The following PRKG1 variants were observed in gnomAD, a reference collection of about 807,000 sequenced individuals.
PRKG1 encodes the protein cGMP-dependent protein kinase 1.
A neutral mutation model predicts 88.1 loss-of-function variants in PRKG1; 35 were observed. The observed-to-expected ratio is 0.40, with a 90% confidence interval of 0.30 to 0.53. PRKG1 has a LOEUF of 0.53. PRKG1 is among the 20% of genes least tolerant of loss of function. The pLI, the probability that PRKG1 is intolerant of heterozygous loss-of-function variation, is 0.59. For synonymous variants in PRKG1, 303 were observed against 292.5 expected (o/e 1.04, Z -0.37); for missense variants, 540 against 839.8 (o/e 0.64, Z 4.41).
intron 2 of PRKG1, among the ~76,000 whole-genome samples, chr10:51,237,262 A>T (rs1177371343): frequency 6.6e-6 from 1 of 152,176 alleles, no homozygotes; most frequent in African/African-American, 2.4e-5. Context: ...TGATCTCCAC[A>T]TTCATATTTT....
chr10:51,289,186 C>T (rs983135358), intron 2 of PRKG1, among the ~76,000 whole-genome samples: 1 of 152,144 alleles, frequency 6.6e-6, no homozygotes, highest in Non-Finnish European at 1.5e-5. Context: ...GTCCAGGCAG[C>T]CAACTTTGCC....
chr10:52,001,359 C>T (rs1025211988), intron 5 of PRKG1, among the ~76,000 whole-genome samples: 4 of 120,316 alleles, frequency 3.3e-5, no homozygotes, highest in African/African-American at 1.4e-4. Context: ...CAAGTGTTCT[C>T]ACCATAAAAA....
intron 5 of PRKG1, among the ~76,000 whole-genome samples, chr10:51,920,219 T>C (rs1842434016): frequency 6.6e-6 from 1 of 152,130 alleles, no homozygotes; most frequent in African/African-American, 2.4e-5. Context: ...ATAAGACTCA[T>C]TTTTCTTCTA....
intron 1 of PRKG1, among the ~76,000 whole-genome samples, chr10:51,152,512 A>G (rs181537120): frequency 6.6e-6 from 1 of 152,160 alleles, no homozygotes; most frequent in East Asian, 1.9e-4. Flanking sequence ...CATTTACTGA[A>G]GGTAACATTA....
At chr10:51,177,116 G>T (rs1260514850) in intron 2 of PRKG1, among the ~76,000 whole-genome samples, 1 of 152,166 alleles carries the variant, frequency 6.6e-6, no homozygotes, top group Non-Finnish European at 1.5e-5. Flanking sequence ...AACTGAGGAT[G>T]CCAGATGGCT....
chr10:51,554,854 C>T (rs1449749471), intron 3 of PRKG1, among the ~76,000 whole-genome samples: 1 of 151,586 alleles, frequency 6.6e-6, no homozygotes, highest in Admixed American at 6.6e-5. Context: ...CACTGTAAAG[C>T]CTCAAAAAAA....
At chr10:51,490,680 T>C (rs1330224796) in intron 3 of PRKG1, among the ~76,000 whole-genome samples, 1 of 152,080 alleles carries the variant, frequency 6.6e-6, no homozygotes, top group African/African-American at 2.4e-5. Context: ...CCGTTTTTCA[T>C]AGATCGTTCT....
At chr10:51,691,384 T>C (rs1841140069) in intron 3 of PRKG1, among the ~76,000 whole-genome samples, 1 of 151,058 alleles carries the variant, frequency 6.6e-6, no homozygotes, top group Admixed American at 6.6e-5. Context: ...CCCGGCTCAC[T>C]GCAGCCTCCA....
intron 5 of PRKG1, among the ~76,000 whole-genome samples, chr10:51,939,314 C>T (rs1842856883): frequency 6.6e-6 from 1 of 151,920 alleles, no homozygotes; most frequent in Non-Finnish European, 1.5e-5. Context: ...CACATACGGC[C>T]AAATTGAGAA....
Position 51,583,747 on chromosome 10 carries a change from G to A in PRKG1, c.592+115911G>A, listed in dbSNP as rs191654641. On this transcript the variant is annotated intron_variant, in intron 3 of 17. Transcript: ENST00000373980. The stretch of plus-strand genomic sequence containing the variant: ...CAGAAAATCCTTTTAATGTGAGTAG[G>A]ATGAATTATACCTCAGATGCCCTTA... 9.9e-5 allele frequency among the ~76,000 whole-genome samples: 15 copies of A among 152,162 alleles called. No homozygotes were observed. The East Asian group carries it at 1.4e-3, about 14-fold the overall frequency.
In PRKG1 at chr10:51,213,591, G is replaced by T. The variant is rs145697468; in HGVS notation, c.478+60261G>T. On this transcript the variant is annotated intron_variant, in intron 2 of 17. Transcript: ENST00000373980. ...CTCATTGCCTGGGCAGATGTTAGAA[G>T]AATTTGCATTATATTCAATAGCCAT... Among the ~76,000 whole-genome samples, 667 of 152,328 alleles carry T rather than the reference G, an allele frequency of 4.4e-3. 2 individuals are homozygous for T. The highest frequency in any genetic ancestry group is 7.6e-3 in the Non-Finnish European group (520 of 68,028).
At chr10:51,732,303 C>T (rs1436310915) in intron 3 of PRKG1, among the ~76,000 whole-genome samples, 1 of 152,168 alleles carries the variant, frequency 6.6e-6, no homozygotes, top group African/African-American at 2.4e-5. Context: ...ATTCAATGAC[C>T]TCTTCACAGG....
At chr10:52,211,684 A>C (rs1839975498) in intron 9 of PRKG1, among the ~76,000 whole-genome samples, 1 of 148,732 alleles carries the variant, frequency 6.7e-6, no homozygotes, top group Non-Finnish European at 1.5e-5. Context: ...AAAAATACAC[A>C]AATACCTATC....
At chr10:52,029,807 A>G (rs764100332) in intron 5 of PRKG1, among the ~76,000 whole-genome samples, 3 of 152,182 alleles carry the variant, frequency 2.0e-5, no homozygotes, top group Non-Finnish European at 4.4e-5. Flanking sequence ...CCCATTCTAT[A>G]GATGATTAGA....
rs144206790 is a variant in PRKG1, at chr10:51,916,076, C to T, written c.762+8506C>T. ...CTCAAAATGTTAAACATGGGGTTAC[C>T]GCGTTGTCAGAGGTGTGTGAGCCAG... On this transcript the variant is annotated intron_variant, in intron 5 of 17. Transcript: ENST00000373980. Among the ~76,000 whole-genome samples, 745 of 152,076 alleles carry T rather than the reference C, an allele frequency of 4.9e-3. 6 individuals are homozygous for T. Among genetic ancestry groups the T allele is most frequent in the Middle Eastern group, 0.034 (10 of 294 alleles).
chr10:51,014,530 ATT>A (rs892144714), intron 1 of PRKG1, among the ~76,000 whole-genome samples: 1 of 148,710 alleles, frequency 6.7e-6, no homozygotes, highest in African/African-American at 2.5e-5. Context: ...TCTTGAAAAC[ATT>A]TTTTTTTTCA....
chr10:51,878,585 G>A (rs192561443), intron 4 of PRKG1, among the ~76,000 whole-genome samples: 11 of 152,244 alleles, frequency 7.2e-5, no homozygotes, highest in Admixed American at 1.3e-4. Context: ...ATAGGTCTAT[G>A]TAATCATCTT....
At chr10:51,480,315 CA>C (rs954084993) in intron 3 of PRKG1, among the ~76,000 whole-genome samples, 24 of 152,114 alleles carry the variant, frequency 1.6e-4, no homozygotes, top group Non-Finnish European at 5.9e-5. Flanking sequence ...ATCTCTTTGC[CA>C]AAGGTGTTCT....
chr10:51,247,774 T>G (rs897456622), intron 2 of PRKG1, among the ~76,000 whole-genome samples: 1 of 151,918 alleles, frequency 6.6e-6, no homozygotes, highest in African/African-American at 2.4e-5. Flanking sequence ...AAATTTGCTC[T>G]GATGGCGTTC....
Sources: allele counts gnomAD v4.1 joint callset (sites outside exome capture counted in the v4.1 genomes callset), GRCh38; gene constraint gnomAD v4.1.1; transcripts MANE v1.5; gene names NCBI Gene and HGNC (gene_info 2026-07-23, HGNC 2026-07-21).